The following THSD4 variants were observed in gnomAD, a reference collection of about 807,000 sequenced individuals.
The protein encoded by THSD4 is thrombospondin type-1 domain-containing protein 4.
Under a neutral mutation model 119.0 loss-of-function variants are expected in THSD4, and 69 were observed. The observed-to-expected ratio is 0.58, with a 90% confidence interval of 0.48 to 0.71. The LOEUF is 0.71. Ranked by LOEUF, THSD4 falls within the 30% of genes least tolerant of loss-of-function variation. The probability of loss-of-function intolerance (pLI) is 0.00; values close to 1 mark genes in which losing one functional copy is unlikely to be tolerated. For synonymous variants in THSD4, 524 were observed against 540.4 expected, an observed-to-expected ratio of 0.97 and a Z score of 0.42; for missense variants, 1,393 against 1,391.1, an observed-to-expected ratio of 1.00 and a Z score of -0.02.
intron 7 of THSD4, among the ~76,000 whole-genome samples, chr15:71,620,591 CATT>C (rs1258470619): frequency 6.6e-6 from 1 of 152,126 alleles, no homozygotes; most frequent in Non-Finnish European, 1.5e-5. Flanking sequence ...AAGAGTAGCT[CATT>C]ATTCTTGCTG....
chr15:71,373,719 C>T (rs2046091917), intron 6 of THSD4, among the ~76,000 whole-genome samples: 1 of 152,154 alleles, frequency 6.6e-6, no homozygotes, highest in Admixed American at 6.5e-5. Context: ...AGGGTCCAGG[C>T]AGATGTTGTC....
Position 71,748,578 on chromosome 15 carries a change from C to T in THSD4, c.2399C>T (p.Thr800Ile). Residue 800 changes from threonine to isoleucine, a missense_variant, in exon 14 of 18, where the codon ACC becomes ATC. Transcript: ENST00000261862. ...MGPCAKSWFL[T>I]EWSERCSAEC... is the part of the protein sequence containing the mutation. Reference sequence around the variant, plus strand: ...CCCTGTGCCAAGAGCTGGTTCCTCACCGAGTGGAGCGAAAGGGTGAGTGTG... The same window carrying T: ...CCCTGTGCCAAGAGCTGGTTCCTCATCGAGTGGAGCGAAAGGGTGAGTGTG... 1 of 1,614,088 alleles carries T rather than the reference C, an allele frequency of 6.2e-7. No individual in the cohort carries two copies. The highest frequency in any genetic ancestry group is 8.5e-7 in the Non-Finnish European group (1 of 1,180,008).
At chr15:71,435,185 A>G (rs1423539409) in intron 7 of THSD4, among the ~76,000 whole-genome samples, 2 of 152,156 alleles carry the variant, frequency 1.3e-5, no homozygotes, top group Non-Finnish European at 2.9e-5. Flanking sequence ...TCTTAGTTAA[A>G]GGATTTATAT....
intron 7 of THSD4, 27 bp from the exon 8 acceptor site, chr15:71,660,503 A>T: frequency 6.2e-7 from 1 of 1,613,408 alleles, no homozygotes; most frequent in Non-Finnish European, 8.5e-7. Context: ...ACATACTATG[A>T]GTCTTTTGTT....
intron 7 of THSD4, among the ~76,000 whole-genome samples, chr15:71,501,545 G>A (rs1480806453): frequency 1.3e-5 from 2 of 152,130 alleles, no homozygotes; most frequent in East Asian, 1.9e-4. Context: ...ACATGCCAGG[G>A]CTAGGTAATG....
chr15:71,626,567 G>C (rs2050514285), intron 7 of THSD4, among the ~76,000 whole-genome samples: 1 of 152,138 alleles, frequency 6.6e-6, no homozygotes, highest in African/African-American at 2.4e-5. Flanking sequence ...AGCATCAAAA[G>C]ATGCTTTATT....
chr15:71,501,463 A>G (rs111973885), intron 7 of THSD4, among the ~76,000 whole-genome samples: 128 of 152,028 alleles, frequency 8.4e-4, no homozygotes, highest in African/African-American at 2.9e-3. Context: ...TTCATTCTCA[A>G]TCTCCCCTCC....
chr15:71,559,051 T>C (rs1206336107), intron 7 of THSD4, among the ~76,000 whole-genome samples: 1 of 152,172 alleles, frequency 6.6e-6, no homozygotes, highest in African/African-American at 2.4e-5. Context: ...TGATAATTGG[T>C]TCGGAGACTT....
At chr15:71,670,361 C>G (rs2051499482) in intron 8 of THSD4, among the ~76,000 whole-genome samples, 2 of 151,724 alleles carry the variant, frequency 1.3e-5, no homozygotes, top group South Asian at 4.2e-4. Flanking sequence ...ATAGTTTGCT[C>G]AGAATGATGG....
At chr15:71,154,078 T>G (rs982629472) in intron 2 of THSD4, among the ~76,000 whole-genome samples, 2 of 152,156 alleles carry the variant, frequency 1.3e-5, no homozygotes, top group Non-Finnish European at 2.9e-5. Flanking sequence ...TGCCAGGTGT[T>G]TTACCTCTGT....
intron 7 of THSD4, among the ~76,000 whole-genome samples, chr15:71,534,938 G>GA (rs1048025266): frequency 7.3e-6 from 1 of 137,464 alleles, no homozygotes; most frequent in African/African-American, 2.5e-5. Context: ...CATCCTGGGT[G>GA]ACAGAGCGAG....
chr15:71,658,196 A>G (rs533704501), intron 7 of THSD4, among the ~76,000 whole-genome samples: 15 of 152,294 alleles, frequency 9.8e-5, no homozygotes, highest in African/African-American at 3.4e-4. Context: ...TGCTGATGCC[A>G]TAGGATGAAA....
chr15:71,214,033 C>T (rs1354033291), intron 3 of THSD4, among the ~76,000 whole-genome samples: 1 of 151,198 alleles, frequency 6.6e-6, no homozygotes, highest in Non-Finnish European at 1.5e-5. Context: ...AGATTGTAAA[C>T]GCCCCAATCA....
At chr15:71,151,259 T>C (rs780413516) in intron 2 of THSD4, among the ~76,000 whole-genome samples, 7 of 152,108 alleles carry the variant, frequency 4.6e-5, no homozygotes, top group Admixed American at 1.3e-4. Flanking sequence ...TCCCCCTGAA[T>C]GCTATGAAAG....
intron 7 of THSD4, among the ~76,000 whole-genome samples, chr15:71,644,906 C>G (rs915397127): frequency 7.1e-6 from 1 of 141,096 alleles, no homozygotes; most frequent in Non-Finnish European, 1.6e-5. Context: ...AATCCTTAGG[C>G]GGCAATAACG....
chr15:71,417,927 T>C lies in THSD4; in HGVS notation c.1152+6104T>C, dbSNP rs2046776667. The stretch of plus-strand genomic sequence containing the variant: ...TTCAACTTCTTTCATCCATGTTTTA[T>C]AGTTTTCATTGTAGAGATCTTTTAC... On this transcript the variant is annotated intron_variant, in intron 7 of 17. Coordinates refer to ENST00000261862, the MANE Select transcript of THSD4 (RefSeq NM_024817.3). Among the ~76,000 whole-genome samples, 2 of 108,160 alleles carry C rather than the reference T, an allele frequency of 1.8e-5. 1 individual carries two copies. Among genetic ancestry groups the C allele is most frequent in the Non-Finnish European group, 4.1e-5 (2 of 49,242 alleles). 71.0% of individuals were successfully genotyped at this position (108,160 alleles called of 152,430 possible).
At chr15:71,287,185 C>T (rs1474401389) in intron 6 of THSD4, among the ~76,000 whole-genome samples, 1 of 152,082 alleles carries the variant, frequency 6.6e-6, no homozygotes, top group Non-Finnish European at 1.5e-5. Flanking sequence ...AAATGAAATA[C>T]TTAGGATGTA....
chr15:71,585,531 A>G (rs903128914), intron 7 of THSD4, among the ~76,000 whole-genome samples: 5 of 152,090 alleles, frequency 3.3e-5, no homozygotes, highest in African/African-American at 7.2e-5. Context: ...ACTTTTGACA[A>G]TTTGGTTATA....
At chr15:71,745,054 C>T in intron 11 of THSD4, 52 bp from the exon 12 acceptor site, 4 of 1,570,704 alleles carry the variant, frequency 2.5e-6, no homozygotes, top group Non-Finnish European at 3.5e-6. Flanking sequence ...CACCCATAGC[C>T]CAGCTTTCCA....
Sources: gnomAD v4.1 joint callset for allele counts (sites outside exome capture counted in the v4.1 genomes callset) on GRCh38, gnomAD v4.1.1 for gene constraint, MANE v1.5 for transcripts, NCBI Gene and HGNC (gene_info 2026-07-23, HGNC 2026-07-21) for gene names.